The following PTPN9 variants were observed in gnomAD, a reference collection of about 807,000 sequenced individuals.
PTPN9 encodes protein tyrosine phosphatase non-receptor type 9, also known as tyrosine-protein phosphatase non-receptor type 9.
Under a neutral mutation model 69.8 loss-of-function variants are expected in PTPN9, and 26 were observed. The ratio of observed to expected loss-of-function variants is 0.37; its 90% CI spans 0.27 to 0.52. The LOEUF (loss-of-function observed/expected upper bound fraction) is 0.52, where lower values mean the gene tolerates loss of function less well. Among genes scored for constraint, PTPN9 ranks in the 20% least tolerant of loss-of-function variants. The pLI, the probability that PTPN9 is intolerant of heterozygous loss-of-function variation, is 0.91. For synonymous variants in PTPN9, 274 were observed against 272.5 expected (o/e 1.01, Z -0.05); for missense variants, 549 against 740.3 (o/e 0.74, Z 3.00).
Position 75,468,822 on chromosome 15 carries a change from T to C in PTPN9, c.1729A>G (p.Lys577Glu), listed in dbSNP as rs768845597. The C allele has an allele frequency of 3.7e-6, 6 of 1,613,986 alleles. No individual in the cohort carries two copies. The Admixed American group carries it at 8.3e-5, about 22-fold the overall frequency. ...TGGCCAGAGGATACCATGCCCTCCTTCTCTGCGAACTCCAGGATGGCCTTG... is the reference window on the plus strand; with the variant it reads ...TGGCCAGAGGATACCATGCCCTCCTCCTCTGCGAACTCCAGGATGGCCTTG... ...CYKAILEFAE[K>E]EGMVSSGQNL... The change falls in exon 13 of 13, where the codon AAG becomes GAG. Residue 577 changes from lysine (K) to glutamate (E), a missense_variant. Lys to Glu is a moderately conservative substitution (Grantham distance 56). Around this residue, in one of 3 missense-constraint regions of PTPN9, gnomAD observed 30 missense variants for 24.8 expected, o/e 1.21. Coordinates refer to ENST00000618819, the MANE Select transcript of PTPN9 (RefSeq NM_002833.4).
Position 75,467,531 on chromosome 15 carries a change from C to T in PTPN9, c.*1238G>A, listed in dbSNP as rs1214211226. ...GGTGAAGCTTTTTATTGACACAGAA[C>T]CCACCCAGTTTGAGGGTCTAGCAGG... is the stretch of plus-strand genomic sequence containing the variant. On this transcript the variant is annotated 3_prime_UTR_variant, in exon 13 of 13. Transcript: ENST00000618819. The T allele has an allele frequency of 5.2e-5, 8 of 152,482 alleles. No homozygotes were observed. The allele number at this position is 152,482 out of a possible 1,614,324, so 9.4% of individuals were successfully genotyped here. A position where few individuals can be genotyped will look rare whatever the true frequency, so the allele number is the denominator to read the frequency against.
chr15:75,469,427 C>A (rs2074552382), intron 12 of PTPN9, among the ~76,000 whole-genome samples: 1 of 152,244 alleles, frequency 6.6e-6, no homozygotes, highest in Non-Finnish European at 1.5e-5. Flanking sequence ...TGCTAACTGG[C>A]TCCAGAATGG....
chr15:75,551,064 C>T (rs2075054763), intron 1 of PTPN9, among the ~76,000 whole-genome samples: 1 of 152,158 alleles, frequency 6.6e-6, no homozygotes, highest in African/African-American at 2.4e-5. Flanking sequence ...ATGTTTTATT[C>T]AACCTTTCCA....
chr15:75,558,842 C>T lies in PTPN9; in HGVS notation c.63+19872G>A, dbSNP rs1218273390. ...TCGTTCACTCAGTGCTCAATGTTGC[C>T]CAGGCTGGAGTGCAGTGGCGTGATC... On this transcript the variant is annotated intron_variant, in intron 1 of 12. Coordinates refer to ENST00000618819, the MANE Select transcript of PTPN9 (RefSeq NM_002833.4). 3.9e-5 allele frequency among the ~76,000 whole-genome samples: 6 copies of T among 152,268 alleles called. No homozygotes were observed. The East Asian group carries it at 5.8e-4, about 15-fold the overall frequency.
At chr15:75,469,702 T>A (rs1172528585) in intron 12 of PTPN9, 90 bp downstream of exon 12, 1 of 1,406,182 alleles carries the variant, frequency 7.1e-7, no homozygotes. Context: ...GAGTTCCTTC[T>A]CCAATCACAG....
chr15:75,485,627 C>T (rs1190452662), intron 8 of PTPN9, among the ~76,000 whole-genome samples: 1 of 150,380 alleles, frequency 6.6e-6, no homozygotes, highest in African/African-American at 2.4e-5. Context: ...GCCTCGGCCT[C>T]CCAAAGTGCT....
chr15:75,500,123 G>A (rs1458450008), intron 7 of PTPN9, among the ~76,000 whole-genome samples: 1 of 152,070 alleles, frequency 6.6e-6, no homozygotes, highest in African/African-American at 2.4e-5. Context: ...AGACCAGCCT[G>A]GCCAACACAG....
At chr15:75,560,410 G>A (rs1166553643) in intron 1 of PTPN9, among the ~76,000 whole-genome samples, 2 of 152,266 alleles carry the variant, frequency 1.3e-5, no homozygotes, top group East Asian at 1.9e-4. Flanking sequence ...TCAAGGCATG[G>A]AAGAGCTAGA....
chr15:75,521,543 T>C (rs1156916035), intron 4 of PTPN9, among the ~76,000 whole-genome samples: 1 of 151,968 alleles, frequency 6.6e-6, no homozygotes, highest in Non-Finnish European at 1.5e-5. Context: ...GTCCCTGACA[T>C]TGGTTTTAAA....
chr15:75,556,059 A>AC (rs1491221476), intron 1 of PTPN9, among the ~76,000 whole-genome samples: 2 of 148,568 alleles, frequency 1.3e-5, no homozygotes, highest in Non-Finnish European at 3.0e-5. Flanking sequence ...AAAAAAAAAA[A>AC]GAGAGAGAGG....
intron 7 of PTPN9, among the ~76,000 whole-genome samples, chr15:75,499,546 C>T (rs868398182): frequency 4.0e-5 from 6 of 151,654 alleles, no homozygotes; most frequent in African/African-American, 7.3e-5. Flanking sequence ...GCTGGGACTA[C>T]AGGTGCGTGC....
chr15:75,516,260 G>C (rs1018961545), intron 5 of PTPN9, among the ~76,000 whole-genome samples: 19 of 151,640 alleles, frequency 1.3e-4, no homozygotes, highest in Admixed American at 7.2e-4. Context: ...GATATCTTGG[G>C]GATGGGACCC....
At chr15:75,502,396 C>T (rs1033737559) in intron 7 of PTPN9, among the ~76,000 whole-genome samples, 9 of 151,398 alleles carry the variant, frequency 5.9e-5, no homozygotes, top group Non-Finnish European at 1.3e-4. Flanking sequence ...TGCAGTGAGC[C>T]GAGATCGTGC....
At chr15:75,516,017 G>A (rs561906594) in intron 5 of PTPN9, among the ~76,000 whole-genome samples, 3 of 152,128 alleles carry the variant, frequency 2.0e-5, no homozygotes, top group African/African-American at 7.2e-5. Flanking sequence ...GGAATTATTA[G>A]GGGAAAAAAT....
chr15:75,488,914 G>C (rs1430949636), intron 8 of PTPN9, among the ~76,000 whole-genome samples: 1 of 152,152 alleles, frequency 6.6e-6, no homozygotes, highest in Non-Finnish European at 1.5e-5. Context: ...AGTGGCTCAT[G>C]CCTGTAATCC....
chr15:75,501,914 T>C (rs1003731991), intron 7 of PTPN9, among the ~76,000 whole-genome samples: 1 of 151,882 alleles, frequency 6.6e-6, no homozygotes, highest in Non-Finnish European at 1.5e-5. Context: ...TCCCAACACT[T>C]TGGGAGGTTG....
At chr15:75,536,650 G>C (rs1203797774) in intron 1 of PTPN9, among the ~76,000 whole-genome samples, 2 of 152,192 alleles carry the variant, frequency 1.3e-5, no homozygotes, top group African/African-American at 2.4e-5. Flanking sequence ...GGTGGGAGAT[G>C]TGTGAACAGG....
At chr15:75,503,931 G>A (rs1330956848) in intron 7 of PTPN9, among the ~76,000 whole-genome samples, 6 of 112,820 alleles carry the variant, frequency 5.3e-5, no homozygotes, top group Admixed American at 2.6e-4. Context: ...CCGGCCAGCC[G>A]CCCCGTCCGG....
At chr15:75,491,936 C>T (rs1339895749) in intron 7 of PTPN9, among the ~76,000 whole-genome samples, 2 of 152,156 alleles carry the variant, frequency 1.3e-5, no homozygotes, top group African/African-American at 4.8e-5. Flanking sequence ...TCTCAAAGGT[C>T]TCCAGGGTCG....
Sources: gnomAD v4.1 joint callset for allele counts (sites outside exome capture counted in the v4.1 genomes callset) on GRCh38, gnomAD v4.1.1 for gene constraint, gnomAD v4.1.1 regional missense constraint, MANE v1.5 for transcripts, NCBI Gene and HGNC (gene_info 2026-07-23, HGNC 2026-07-21) for gene names.